The following CMC2 variants were observed in gnomAD, a reference collection of about 807,000 sequenced individuals.
CMC2 encodes C-X9-C motif containing 2.
Under a neutral mutation model 7.5 loss-of-function variants are expected in CMC2, and 5 were observed. The ratio of observed to expected loss-of-function variants is 0.66; its 90% CI spans 0.35 to 1.40. The LOEUF (loss-of-function observed/expected upper bound fraction) is 1.40, where lower values mean the gene tolerates loss of function less well. Ranked by LOEUF, CMC2 falls within the 40% of genes most tolerant of loss-of-function variation. CMC2 has a pLI of 0.04. For synonymous variants in CMC2, 37 were observed against 31.4 expected, an observed-to-expected ratio of 1.18 and a Z score of -0.60; for missense variants, 115 against 92.3, an observed-to-expected ratio of 1.25 and a Z score of -1.01.
chr16:81,003,843 G>A (rs1032093925), intron 1 of CMC2, among the ~76,000 whole-genome samples: 1 of 152,184 alleles, frequency 6.6e-6, no homozygotes, highest in African/African-American at 2.4e-5. Flanking sequence ...CATCATTTTG[G>A]TTACTAATCT....
Position 80,990,845 on chromosome 16 carries a change from C to A in CMC2, c.81+6469G>T, listed in dbSNP as rs1402512689. On this transcript the variant is annotated intron_variant, in intron 2 of 3. Transcript: ENST00000219400. ...GTGATCCTCCCACCTCAACCTCAGC[C>A]TCCTGAGGAGCTGGGACTACAGGCA... is the stretch of plus-strand genomic sequence containing the variant. Among the ~76,000 whole-genome samples the A allele has an allele frequency of 3.3e-5, 5 of 152,184 alleles. No homozygotes were observed. In the East Asian group the frequency reaches 9.7e-4, roughly 30 times the overall value.
In CMC2 at chr16:80,971,562, T is replaced by TATATATATATATATATATATA. The variant is rs1555512297; in HGVS notation, c.*4530_*4531insTATATATATATATATATATAT. 1.6e-4 allele frequency: 12 copies of TATATATATATATATATATATA among 76,020 alleles called. No individual in the cohort carries two copies. Among genetic ancestry groups the TATATATATATATATATATATA allele is most frequent in the South Asian group, 3.0e-4 (1 of 3,336 alleles). The allele number at this position is 76,020 out of a possible 1,614,324, so 4.7% of individuals were successfully genotyped here. A position where few individuals can be genotyped will look rare whatever the true frequency, so the allele number is the denominator to read the frequency against. ...GGCTATGGATACTGACATACATACA[T>TATATATATATATATATATATA]TTTATATATATATATATATATATGT... On this transcript the variant is annotated 3_prime_UTR_variant, in exon 4 of 4. Coordinates refer to ENST00000219400, the MANE Select transcript of CMC2 (RefSeq NM_020188.5).
rs1911795982 is a variant in CMC2 at position 80,969,813 on chromosome 16, C to G, written c.*6280G>C. 1 of 133,998 alleles carries G rather than the reference C, an allele frequency of 7.5e-6. No homozygotes were observed. Among genetic ancestry groups the G allele is most frequent in the African/African-American group, 3.6e-5 (1 of 27,478 alleles). 8.3% of individuals were successfully genotyped at this position (133,998 alleles called of 1,614,324 possible). On this transcript the variant is annotated 3_prime_UTR_variant, in exon 4 of 4. Coordinates refer to ENST00000219400, the MANE Select transcript of CMC2 (RefSeq NM_020188.5). Reference sequence around the variant, plus strand: ...GCTGAGGCACAAGAATCACTTGAACCCAGGCAGCAAGGTTGCAGGGAGCCA... The same window carrying G: ...GCTGAGGCACAAGAATCACTTGAACGCAGGCAGCAAGGTTGCAGGGAGCCA...
chr16:81,005,437 T>TAC (rs1969210913), intron 1 of CMC2, among the ~76,000 whole-genome samples: 1 of 150,482 alleles, frequency 6.6e-6, no homozygotes, highest in Non-Finnish European at 1.5e-5. Context: ...TATATATATA[T>TAC]ATAAATAAAT....
chr16:80,973,866 A>T lies in CMC2; in HGVS notation c.*2227T>A, dbSNP rs1912098955. Reference sequence around the variant, plus strand: ...AGACCTAAAAACAGTAGGTGGTTTGAATATCCCATAAAAACGTACTCATAT... The same window carrying T: ...AGACCTAAAAACAGTAGGTGGTTTGTATATCCCATAAAAACGTACTCATAT... On this transcript the variant is annotated 3_prime_UTR_variant, in exon 4 of 4. Transcript: ENST00000219400. The T allele has an allele frequency of 6.6e-6, 1 of 152,208 alleles. No individual in the cohort carries two copies. 9.4% of individuals were successfully genotyped at this position (152,208 alleles called of 1,614,324 possible). A position where few individuals can be genotyped will look rare whatever the true frequency, so the allele number is the denominator to read the frequency against.
At chr16:80,988,211 C>A (rs2123627) in intron 2 of CMC2, among the ~76,000 whole-genome samples, 98,717 of 151,618 alleles carry the variant, frequency 0.65, 33,879 homozygotes, top group South Asian at 0.8. Flanking sequence ...CTTTTCCCCC[C>A]CAGATATAGA....
At chr16:80,998,525 G>A (rs1240795540) in intron 1 of CMC2, 1 of 152,070 alleles carries the variant, frequency 6.6e-6, no homozygotes, top group Admixed American at 6.6e-5. Context: ...TCCACTTCCG[G>A]CTATATTTTC....
intron 2 of CMC2, among the ~76,000 whole-genome samples, chr16:80,993,849 A>G (rs1427121057): frequency 6.6e-6 from 1 of 152,220 alleles, no homozygotes; most frequent in Admixed American, 6.5e-5. Context: ...TGACAAGCTG[A>G]TTCTAAAATT....
At position 80,974,164 on chromosome 16, in the gene CMC2, T is replaced by G. The variant is rs1327302614; in HGVS notation, c.*1929A>C. Reference sequence around the variant, plus strand: ...AAATGCCTGAGACATCCTAGACACTTCCTTAAACCCTACACCTAGTCAGTC... The same window carrying G: ...AAATGCCTGAGACATCCTAGACACTGCCTTAAACCCTACACCTAGTCAGTC... On this transcript the variant is annotated 3_prime_UTR_variant, in exon 4 of 4. Coordinates refer to ENST00000219400, the MANE Select transcript of CMC2 (RefSeq NM_020188.5). 6.6e-6 allele frequency: 1 copy of G among 152,194 alleles called. No individual in the cohort carries two copies. Among genetic ancestry groups the G allele is most frequent in the Non-Finnish European group, 1.5e-5 (1 of 68,068 alleles). The allele number at this position is 152,194 out of a possible 1,614,324, so 9.4% of individuals were successfully genotyped here.
chr16:80,987,453 A>G (rs1967632686), intron 2 of CMC2, among the ~76,000 whole-genome samples: 1 of 152,236 alleles, frequency 6.6e-6, no homozygotes, highest in African/African-American at 2.4e-5. Context: ...TTATTTACAT[A>G]TTACTTTTAT....
intron 3 of CMC2, among the ~76,000 whole-genome samples, chr16:80,979,262 T>C (rs745706108): frequency 6.6e-6 from 1 of 151,936 alleles, no homozygotes; most frequent in Non-Finnish European, 1.5e-5. Flanking sequence ...AGAATAAACA[T>C]CTACAAATTA....
At chr16:80,976,289 C>T in intron 3 of CMC2, 110 bp from the exon 4 acceptor site, 1 of 618,614 alleles carries the variant, frequency 1.6e-6, no homozygotes, top group Non-Finnish European at 2.8e-6. Context: ...TTGAGGTTAA[C>T]AGGGTTTAAA....
chr16:80,978,426 G>A (rs919460099), intron 3 of CMC2: 2 of 1,238,720 alleles, frequency 1.6e-6, no homozygotes, highest in Admixed American at 2.3e-5. Flanking sequence ...CTGAATAAAA[G>A]GGGAGAAAAG....
At chr16:80,995,646 G>C (rs1212460619) in intron 2 of CMC2, among the ~76,000 whole-genome samples, 3 of 152,194 alleles carry the variant, frequency 2.0e-5, no homozygotes, top group Non-Finnish European at 2.9e-5. Flanking sequence ...GACAGAGTGA[G>C]ACTCCATCTC....
intron 2 of CMC2, among the ~76,000 whole-genome samples, chr16:80,990,093 T>A (rs1179337976): frequency 9.4e-6 from 1 of 105,966 alleles, no homozygotes. Flanking sequence ...TCATCCTTTT[T>A]TTCATTCCCT....
At chr16:81,003,911 GATGGC>G (rs1969042711) in intron 1 of CMC2, among the ~76,000 whole-genome samples, 2 of 152,194 alleles carry the variant, frequency 1.3e-5, no homozygotes, top group Non-Finnish European at 2.9e-5. Flanking sequence ...ATATCTCAGT[GATGGC>G]ATGGGTTTAA....
At chr16:80,995,972 G>A (rs35282277) in intron 2 of CMC2, among the ~76,000 whole-genome samples, 2,672 of 150,972 alleles carry the variant, frequency 0.018, 49 homozygotes, top group East Asian at 0.054. Context: ...AGTGATTCAA[G>A]AAGCCACCTT....
rs924613210 is a variant in CMC2 at position 80,969,207 on chromosome 16, T to C, written c.*6886A>G. On this transcript the variant is annotated 3_prime_UTR_variant, in exon 4 of 4. Coordinates refer to ENST00000219400, the MANE Select transcript of CMC2 (RefSeq NM_020188.5). ...TATTTACAACAAAATTAGGTTAAAA[T>C]GTAACCCTCATATCCCAAAATACAA... is the stretch of plus-strand genomic sequence containing the variant. 1.2e-4 allele frequency: 18 copies of C among 152,274 alleles called. No individual in the cohort carries two copies. The highest frequency in any genetic ancestry group is 4.3e-4 in the African/African-American group (18 of 41,538). The allele number at this position is 152,274 out of a possible 1,614,324, so 9.4% of individuals were successfully genotyped here. A position where few individuals can be genotyped will look rare whatever the true frequency, so the allele number is the denominator to read the frequency against.
intron 2 of CMC2, among the ~76,000 whole-genome samples, chr16:80,985,760 G>A (rs184494015): frequency 3.3e-5 from 5 of 152,104 alleles, no homozygotes; most frequent in African/African-American, 1.2e-4. Flanking sequence ...AAAAGGAAAC[G>A]ACCAACTAAG....
Sources: allele counts gnomAD v4.1 joint callset (sites outside exome capture counted in the v4.1 genomes callset), GRCh38; gene constraint gnomAD v4.1.1; transcripts MANE v1.5; gene names NCBI Gene and HGNC (gene_info 2026-07-23, HGNC 2026-07-21).